The following CD1B variants were observed in gnomAD, a reference collection of about 807,000 sequenced individuals.
CD1B encodes T-cell surface glycoprotein CD1b.
CD1B carries 43 observed loss-of-function variants against 39.8 expected under a neutral mutation model. The ratio of observed to expected loss-of-function variants is 1.08; its 90% CI spans 0.85 to 1.39. The LOEUF (loss-of-function observed/expected upper bound fraction) is 1.39. CD1B is among the 40% of genes most tolerant of loss of function. CD1B has a pLI of 0.00. For synonymous variants in CD1B, 192 were observed against 152.5 expected (o/e 1.26, Z -1.91); for missense variants, 495 against 403.8 (o/e 1.23, Z -1.94).
At chr1:158,330,234 G>C in intron 2 of CD1B, 104 bp from the exon 3 acceptor site, 1 of 1,066,464 alleles carries the variant, frequency 9.4e-7, no homozygotes, top group Non-Finnish European at 1.4e-6. Flanking sequence ...AAGTTATTTG[G>C]TGTAAAATGA....
chr1:158,301,851 G>T, the CD1B span, among the ~76,000 whole-genome samples: 1 of 152,124 alleles, frequency 6.6e-6, no homozygotes, highest in Non-Finnish European at 1.5e-5. Context: ...GGTTGGGGAT[G>T]TTCTCCTGGA....
chr1:158,315,852 A>C, the CD1B span, among the ~76,000 whole-genome samples: 1 of 151,916 alleles, frequency 6.6e-6, no homozygotes, highest in Non-Finnish European at 1.5e-5. Context: ...TAAGGAAGGG[A>C]TCCAGTTTCA....
the CD1B span, among the ~76,000 whole-genome samples, chr1:158,307,079 T>A: frequency 6.6e-6 from 1 of 151,966 alleles, no homozygotes. Context: ...ATAACTAAGA[T>A]CAGAGCTGAA....
At chr1:158,299,073 G>A in the CD1B span, among the ~76,000 whole-genome samples, 100 of 152,252 alleles carry the variant, frequency 6.6e-4, no homozygotes, top group African/African-American at 2.3e-3. Flanking sequence ...TGGTGAGAGA[G>A]GGCATCCTTG....
the CD1B span, among the ~76,000 whole-genome samples, chr1:158,307,369 C>CA: frequency 2.0e-5 from 3 of 152,082 alleles, no homozygotes; most frequent in African/African-American, 7.2e-5. Context: ...GTACACCCCC[C>CA]CAAGACTAAA....
At chr1:158,291,920 C>A in the CD1B span, among the ~76,000 whole-genome samples, 1 of 152,296 alleles carries the variant, frequency 6.6e-6, no homozygotes, top group East Asian at 1.9e-4. Flanking sequence ...CCTTCCCTAT[C>A]CCCAGCAATT....
chr1:158,292,969 T>C, the CD1B span: 1,341 of 1,235,010 alleles, frequency 1.1e-3, 10 homozygotes, highest in African/African-American at 0.018. Flanking sequence ...GGTGAGGGAT[T>C]GTAGGAAGAA....
At chr1:158,302,895 A>C in the CD1B span, among the ~76,000 whole-genome samples, 3 of 152,170 alleles carry the variant, frequency 2.0e-5, no homozygotes, top group African/African-American at 7.2e-5. Context: ...AACTATTCCA[A>C]AAATTGAGGG....
the CD1B span, among the ~76,000 whole-genome samples, chr1:158,307,261 C>G: frequency 6.6e-6 from 1 of 152,078 alleles, no homozygotes; most frequent in African/African-American, 2.4e-5. Context: ...CACCACTGAT[C>G]CCACAGAAAT....
At position 158,330,782 on chromosome 1, in the gene CD1B, T is replaced by A; in HGVS notation, c.328+14A>T. 6.2e-7 allele frequency: 1 copy of A among 1,613,724 alleles called. No homozygotes were observed. The highest frequency in any genetic ancestry group is 8.5e-7 in the Non-Finnish European group (1 of 1,179,692). On this transcript the variant is annotated intron_variant, in intron 2 of 5. Coordinates refer to ENST00000368168, the MANE Select transcript of CD1B (RefSeq NM_001764.3). Reference sequence around the variant, plus strand: ...GTCCTTGAGACTCTTCCCAGTTCGGTGGACTAGACTCACATTTCATCTGGA... The same window carrying A: ...GTCCTTGAGACTCTTCCCAGTTCGGAGGACTAGACTCACATTTCATCTGGA...
the CD1B span, chr1:158,291,463 C>G: frequency 6.5e-7 from 1 of 1,549,434 alleles, no homozygotes; most frequent in Non-Finnish European, 8.8e-7. Flanking sequence ...GAAATATTCT[C>G]TACTAATTTT....
chr1:158,331,079 A>G lies in CD1B; in HGVS notation c.62-17T>C. Reference sequence around the variant, plus strand: ...CCTGGAAGGCTGTGAAGAGTGGAAAAGCAAGATGGTGAAGATAAAGAGAGA... The same window carrying G: ...CCTGGAAGGCTGTGAAGAGTGGAAAGGCAAGATGGTGAAGATAAAGAGAGA... On this transcript the variant is annotated splice_polypyrimidine_tract_variant and intron_variant, in intron 1 of 5. Transcript: ENST00000368168. 1 of 1,587,080 alleles carries G rather than the reference A, an allele frequency of 6.3e-7. No homozygotes were observed. The highest frequency in any genetic ancestry group is 8.5e-7 in the Non-Finnish European group (1 of 1,170,016).
chr1:158,320,287 C>T, the CD1B span, among the ~76,000 whole-genome samples: 1 of 152,226 alleles, frequency 6.6e-6, no homozygotes. Context: ...TGATCTCAGA[C>T]TGCGGTGCTA....
chr1:158,329,753 G>GA, intron 3 of CD1B, 99 bp downstream of exon 3: 3 of 1,559,020 alleles, frequency 1.9e-6, no homozygotes, highest in Non-Finnish European at 2.6e-6. Context: ...CACTCCTTTG[G>GA]GAACCAAATA....
chr1:158,291,968 A>G, the CD1B span: 1 of 990,600 alleles, frequency 1.0e-6, no homozygotes, highest in Non-Finnish European at 1.5e-6. Flanking sequence ...TCTTTGGCTC[A>G]CTCTCACATC....
chr1:158,291,118 C>G, the CD1B span: 2 of 1,606,538 alleles, frequency 1.2e-6, no homozygotes, highest in East Asian at 2.2e-5. Flanking sequence ...ACTACTTGCC[C>G]TTCTTCCACC....
the CD1B span, among the ~76,000 whole-genome samples, chr1:158,308,419 T>C: frequency 3.9e-5 from 6 of 152,156 alleles, no homozygotes; most frequent in Admixed American, 1.3e-4. Context: ...AGGTAATTTG[T>C]AGATTCAATG....
the CD1B span, chr1:158,292,146 T>A: frequency 2.2e-5 from 36 of 1,614,028 alleles, no homozygotes; most frequent in Non-Finnish European, 2.9e-5. Context: ...CCCAGAAGGC[T>A]TCTTTCAGGT....
the CD1B span, among the ~76,000 whole-genome samples, chr1:158,312,959 A>G: frequency 4.0e-5 from 6 of 151,848 alleles, no homozygotes; most frequent in African/African-American, 1.5e-4. Context: ...TCTTTTCCCC[A>G]TTTTGTTTTA....
Sources: gnomAD v4.1 joint callset for allele counts (sites outside exome capture counted in the v4.1 genomes callset) on GRCh38, gnomAD v4.1.1 for gene constraint, MANE v1.5 for transcripts, NCBI Gene and HGNC (gene_info 2026-07-23, HGNC 2026-07-21) for gene names.